SLC38A11: variants seen among roughly 807,000 people sequenced by gnomAD.
SLC38A11 encodes the protein putative sodium-coupled neutral amino acid transporter 11.
SLC38A11 carries 51 observed loss-of-function variants against 49.4 expected under a neutral mutation model. The ratio of observed to expected loss-of-function variants is 1.03; its 90% CI spans 0.83 to 1.30. SLC38A11 has a LOEUF of 1.30. Ranked by LOEUF, SLC38A11 falls within the 50% of genes most tolerant of loss-of-function variation. SLC38A11 has a pLI of 0.00. For missense variants in SLC38A11, 574 were observed against 556.2 expected (o/e 1.03, Z -0.32); for synonymous variants, 203 against 192.9 (o/e 1.05, Z -0.43).
chr2:164,896,345 C>T lies in SLC38A11; in HGVS notation c.*2092G>A, dbSNP rs561759945. The T allele has an allele frequency of 1.2e-4, 18 of 152,250 alleles. No homozygotes were observed. Among genetic ancestry groups the T allele is most frequent in the African/African-American group, 4.3e-4 (18 of 41,558 alleles). 9.4% of individuals were successfully genotyped at this position (152,250 alleles called of 1,614,324 possible). A position where few individuals can be genotyped will look rare whatever the true frequency, so the allele number is the denominator to read the frequency against. ...TGCTGCGCTCAGTTCCTACCAGGAG[C>T]TTTCATCTACTTGAAGAGTATGAAG... On this transcript the variant is annotated 3_prime_UTR_variant, in exon 12 of 12. Coordinates refer to ENST00000685975, the MANE Select transcript of SLC38A11 (RefSeq NM_001351537.2).
In SLC38A11 at chr2:164,931,730, T is replaced by C. The variant is rs1028335373; in HGVS notation, c.617+5620A>G. Among the ~76,000 whole-genome samples the C allele has an allele frequency of 8.6e-5, 13 of 152,038 alleles. 1 individual carries two copies. Among genetic ancestry groups the C allele is most frequent in the Non-Finnish European group, 1.3e-4 (9 of 67,958 alleles). ...TAACTAGCTAGCCAAACGCAGAAGATTGAAACTGGACCCCTTCCTTACACC... is the reference window on the plus strand; with the variant it reads ...TAACTAGCTAGCCAAACGCAGAAGACTGAAACTGGACCCCTTCCTTACACC... On this transcript the variant is annotated intron_variant, in intron 7 of 11. Coordinates refer to ENST00000685975, the MANE Select transcript of SLC38A11 (RefSeq NM_001351537.2).
At chr2:164,910,611 T>C (rs549929753) in intron 10 of SLC38A11, among the ~76,000 whole-genome samples, 3 of 152,102 alleles carry the variant, frequency 2.0e-5, no homozygotes, top group Admixed American at 6.6e-5. Context: ...AGTCAGTTCC[T>C]TATCCCTGGG....
intron 3 of SLC38A11, among the ~76,000 whole-genome samples, chr2:164,952,268 G>A (rs10206404): frequency 0.44 from 66,295 of 151,844 alleles, 14,901 homozygotes; most frequent in South Asian, 0.68. Context: ...AGGCGGAGAG[G>A]CTTGATGAGC....
intron 9 of SLC38A11, chr2:164,912,461 TA>T (rs1003601631): frequency 4.6e-5 from 7 of 152,116 alleles, no homozygotes; most frequent in African/African-American, 1.7e-4. Flanking sequence ...CATTATTTTT[TA>T]AAAATGTCTG....
intron 5 of SLC38A11, among the ~76,000 whole-genome samples, chr2:164,942,422 G>T (rs1176517120): frequency 5.2e-5 from 6 of 114,482 alleles, no homozygotes; most frequent in African/African-American, 2.0e-4. Context: ...GACAGAGTGA[G>T]ACTCTGTCTC....
At position 164,939,493 on chromosome 2, in the gene SLC38A11, G is replaced by A; in HGVS notation, c.494C>T (p.Thr165Ile). ...FIIGLSTVTF[T>I]LPLSLYRNIA... ...ATTTCGGTACAAGGATAAAGGCAGA[G>A]TAAAGGTAACTGTGGAAAGTCCAAT... Residue 165 changes from threonine (T) to isoleucine (I), a missense_variant, in exon 6 of 12, where the codon ACT becomes ATT. Thr to Ile is a moderately conservative substitution (Grantham distance 89). Transcript: ENST00000685975. 6.2e-7 allele frequency: 1 copy of A among 1,610,924 alleles called. No homozygotes were observed. Among genetic ancestry groups the A allele is most frequent in the Non-Finnish European group, 8.5e-7 (1 of 1,178,080 alleles).
rs1684374946 is a variant in SLC38A11 at position 164,896,304 on chromosome 2, G to A, written c.*2133C>T. The A allele has an allele frequency of 6.6e-6, 1 of 152,102 alleles. No homozygotes were observed. The highest frequency in any genetic ancestry group is 6.6e-5 in the Admixed American group (1 of 15,246). The allele number at this position is 152,102 out of a possible 1,614,324, so 9.4% of individuals were successfully genotyped here. A position where few individuals can be genotyped will look rare whatever the true frequency, so the allele number is the denominator to read the frequency against. ...ATTAAAAATAAATAAACCAATACAT[G>A]TTTATTAGGCACTAATGCTGCGCTC... On this transcript the variant is annotated 3_prime_UTR_variant, in exon 12 of 12. Transcript: ENST00000685975.
In SLC38A11 at chr2:164,955,504, G is replaced by A; in HGVS notation, c.-257C>T. 3.7e-6 allele frequency: 2 copies of A among 538,366 alleles called. No individual in the cohort carries two copies. The highest frequency in any genetic ancestry group is 4.4e-5 in the South Asian group (2 of 45,556). The allele number at this position is 538,366 out of a possible 1,614,324, so 33.3% of individuals were successfully genotyped here. A position where few individuals can be genotyped will look rare whatever the true frequency, so the allele number is the denominator to read the frequency against. The stretch of plus-strand genomic sequence containing the variant: ...ACAAATGTATTTTTCCTCCGGAGAC[G>A]GAGATGCTGCAGGATGTTTCTGATC... On this transcript the variant is annotated 5_prime_UTR_variant, in exon 1 of 12. Transcript: ENST00000685975.
chr2:164,941,809 TAC>T (rs1284093071), intron 5 of SLC38A11, among the ~76,000 whole-genome samples: 1 of 152,146 alleles, frequency 6.6e-6, no homozygotes, highest in Admixed American at 6.5e-5. Flanking sequence ...TATATATATT[TAC>T]GTTTTGATAT....
chr2:164,950,009 G>A (rs1487869786), intron 3 of SLC38A11: 1 of 152,250 alleles, frequency 6.6e-6, no homozygotes, highest in Admixed American at 6.5e-5. Context: ...GCAGCAGCAT[G>A]GAGGACTGAT....
intron 7 of SLC38A11, among the ~76,000 whole-genome samples, chr2:164,924,087 T>A (rs1686402114): frequency 6.6e-6 from 1 of 152,152 alleles, no homozygotes; most frequent in Non-Finnish European, 1.5e-5. Flanking sequence ...AACAGTGGAT[T>A]GCATAAAGAA....
At position 164,954,654 on chromosome 2, in the gene SLC38A11, G is replaced by C; in HGVS notation, c.131C>G (p.Ser44Trp). The stretch of plus-strand genomic sequence containing the variant: ...ACCTATTATACCAGATCCTATAATC[G>C]AGTTGACAACATTAAAAAGAGCAGC... ...QSAALFNVVN[S>W]IIGSGIIGLP... Residue 44 changes from serine (S) to tryptophan (W), a missense_variant, in exon 2 of 12, where the codon TCG becomes TGG. Ser to Trp is a radical substitution (Grantham distance 177). Transcript: ENST00000685975. The C allele has an allele frequency of 6.5e-7, 1 of 1,528,970 alleles. No homozygotes were observed. Among genetic ancestry groups the C allele is most frequent in the South Asian group, 1.3e-5 (1 of 79,866 alleles). 94.7% of individuals were successfully genotyped at this position (1,528,970 alleles called of 1,614,324 possible).
intron 2 of SLC38A11, 151 bp from the exon 3 acceptor site, chr2:164,952,932 T>G: frequency 3.2e-6 from 2 of 628,176 alleles, no homozygotes; most frequent in East Asian, 2.9e-5. Context: ...AGAATTAATA[T>G]TAAATGTTAG....
At position 164,911,659 on chromosome 2, in the gene SLC38A11, T is replaced by C. The variant is rs769100327; in HGVS notation, c.940A>G (p.Met314Val). The C allele has an allele frequency of 7.5e-6, 12 of 1,601,894 alleles. No homozygotes were observed. In the Admixed American group the frequency reaches 1.4e-4, roughly 18 times the overall value. Reference sequence around the variant, plus strand: ...ACCTCTCTTGTCACAAAGCATTCCATAGGGTATGTCAAAATGACAGTGACA... The same window carrying C: ...ACCTCTCTTGTCACAAAGCATTCCACAGGGTATGTCAAAATGACAGTGACA... ...YGVTVILTYP[M>V]ECFVTREVIA... Residue 314 changes from methionine (M) to valine (V), a missense_variant, in exon 10 of 12, where the codon ATG becomes GTG. Physicochemically the swap from Met to Val is conservative, Grantham distance 21. Coordinates refer to ENST00000685975, the MANE Select transcript of SLC38A11 (RefSeq NM_001351537.2).
intron 7 of SLC38A11, among the ~76,000 whole-genome samples, chr2:164,918,278 T>C (rs574588198): frequency 9.9e-5 from 15 of 152,180 alleles, no homozygotes; most frequent in African/African-American, 3.6e-4. Flanking sequence ...TTTCAATAAA[T>C]GCAAGGGGAG....
Position 164,915,141 on chromosome 2 carries a change from C to T in SLC38A11, c.821G>A (p.Gly274Glu). The part of the protein sequence containing the change: ...VFICIFFATC[G>E]YLTFTGFTQG... The stretch of plus-strand genomic sequence containing the variant: ...GGTGAAGCCAGTAAATGTCAAGTAT[C>T]CACATGTAGCAAAGAATATACAGAT... The change falls in exon 9 of 12, where the codon GGA (glycine) becomes GAA (glutamate). Residue 274 changes from glycine to glutamate, a missense_variant. Transcript: ENST00000685975. The T allele has an allele frequency of 6.2e-7, 1 of 1,609,092 alleles. No individual in the cohort carries two copies. Among genetic ancestry groups the T allele is most frequent in the East Asian group, 2.2e-5 (1 of 44,754 alleles).
intron 3 of SLC38A11, among the ~76,000 whole-genome samples, chr2:164,947,170 C>T (rs549849761): frequency 1.1e-3 from 146 of 127,270 alleles, no homozygotes; most frequent in African/African-American, 4.5e-3. Flanking sequence ...CTTGCTCTGT[C>T]GCCCAGATTG....
At chr2:164,926,103 T>C (rs966949358) in intron 7 of SLC38A11, among the ~76,000 whole-genome samples, 4 of 152,198 alleles carry the variant, frequency 2.6e-5, no homozygotes, top group African/African-American at 9.7e-5. Flanking sequence ...TCCTTTTGCC[T>C]GGATGCTTGG....
In SLC38A11 at chr2:164,955,349, T is replaced by A; in HGVS notation, c.-102A>T. Reference sequence around the variant, plus strand: ...ACCTCGCACACAGCCGAGGTCCGCGTGTAGCCGCAGAGCTGCAGGGAGCCA... The same window carrying A: ...ACCTCGCACACAGCCGAGGTCCGCGAGTAGCCGCAGAGCTGCAGGGAGCCA... On this transcript the variant is annotated 5_prime_UTR_variant, in exon 1 of 12. Transcript: ENST00000685975. 1.7e-6 allele frequency: 2 copies of A among 1,183,174 alleles called. No individual in the cohort carries two copies. Among genetic ancestry groups the A allele is most frequent in the Non-Finnish European group, 2.4e-6 (2 of 817,202 alleles). The allele number at this position is 1,183,174 out of a possible 1,614,324, so 73.3% of individuals were successfully genotyped here. A position where few individuals can be genotyped will look rare whatever the true frequency, so the allele number is the denominator to read the frequency against.
Sources: allele counts gnomAD v4.1 joint callset (sites outside exome capture counted in the v4.1 genomes callset), GRCh38; gene constraint gnomAD v4.1.1; transcripts MANE v1.5; gene names NCBI Gene and HGNC (gene_info 2026-07-23, HGNC 2026-07-21).